NTRK3: variants seen among roughly 807,000 people sequenced by gnomAD.
The protein encoded by NTRK3 is NT-3 growth factor receptor.
NTRK3 carries 24 observed loss-of-function variants against 91.7 expected under a neutral mutation model. The ratio of observed to expected loss-of-function variants is 0.26; its 90% CI spans 0.19 to 0.37. The LOEUF is 0.37. NTRK3 is among the 10% of genes least tolerant of loss of function. The pLI is 1.00. For missense variants in NTRK3, 880 were observed against 1,068.9 expected (o/e 0.82, Z 2.46); for synonymous variants, 483 against 404.0 (o/e 1.20, Z -2.34).
exon 19 of NTRK3, chr15:87,872,820 A>G (rs2064857723): frequency 8.6e-6 from 2 of 232,746 alleles, no homozygotes; most frequent in African/African-American, 2.2e-5. Context: ...AAGCAAGTAC[A>G]TATATATCAG....
At chr15:88,102,524 C>T (rs1285177987) in intron 13 of NTRK3, among the ~76,000 whole-genome samples, 2 of 152,054 alleles carry the variant, frequency 1.3e-5, no homozygotes, top group Non-Finnish European at 2.9e-5. Flanking sequence ...GTTCCTAACA[C>T]AAAGAAATGA....
chr15:88,160,251 C>A lies in NTRK3; in HGVS notation c.396-12848G>T, dbSNP rs148567648. Among the ~76,000 whole-genome samples the A allele has an allele frequency of 4.9e-3, 746 of 152,236 alleles. 6 individuals carry two copies. Among genetic ancestry groups the A allele is most frequent in the Admixed American group, 0.011 (165 of 15,296 alleles). ...AGCAGAGAGAGGGAAGAGACGAGCA[C>A]GTAGCAACAGGCCAGCCAGAGCCAC... On this transcript the variant is annotated intron_variant, in intron 5 of 18. Coordinates refer to ENST00000394480, the Ensembl canonical transcript of NTRK3.
At chr15:88,048,668 C>A (rs2142251239) in intron 13 of NTRK3, among the ~76,000 whole-genome samples, 1 of 152,186 alleles carries the variant, frequency 6.6e-6, no homozygotes, top group African/African-American at 2.4e-5. Flanking sequence ...TTCCTGCATT[C>A]TAAAGAAAAT....
intron 13 of NTRK3, among the ~76,000 whole-genome samples, chr15:88,047,948 G>T (rs1018794986): frequency 9.2e-5 from 14 of 152,332 alleles, no homozygotes; most frequent in African/African-American, 3.4e-4. Context: ...AATATCACAA[G>T]TAAAGCAGTG....
Position 88,234,387 on chromosome 15 carries a change from C to G in NTRK3, c.248+21519G>C, listed in dbSNP as rs60905766. Among the ~76,000 whole-genome samples, 2,542 of 152,296 alleles carry G rather than the reference C, an allele frequency of 0.017. 72 individuals carry two copies. The highest frequency in any genetic ancestry group is 0.056 in the African/African-American group (2,335 of 41,544). ...AGACAAAGATAAGCTGGACCAAACA[C>G]CAGCCATCATTATAAGAAGCCCATA... On this transcript the variant is annotated intron_variant, in intron 3 of 18. Transcript: ENST00000394480. The surrounding 1 kb of genome is among the most constrained non-coding windows in gnomAD (Gnocchi z 6.1).
intron 13 of NTRK3, among the ~76,000 whole-genome samples, chr15:88,093,634 T>G (rs1183459897): frequency 6.6e-6 from 1 of 152,202 alleles, no homozygotes. Context: ...CACCTGATCA[T>G]TGTTATGAAG....
intron 5 of NTRK3, among the ~76,000 whole-genome samples, chr15:88,165,970 T>C (rs892137520): frequency 2.6e-5 from 4 of 152,074 alleles, no homozygotes; most frequent in African/African-American, 9.7e-5. Context: ...AATGAAAAAA[T>C]CACATCATCC....
intron 14 of NTRK3, among the ~76,000 whole-genome samples, chr15:87,980,736 T>C (rs2074184662): frequency 6.6e-6 from 1 of 152,184 alleles, no homozygotes. Context: ...AAAACAGTAT[T>C]GAGTCATTTG....
intron 14 of NTRK3, among the ~76,000 whole-genome samples, chr15:88,026,571 G>A (rs1208917106): frequency 2.0e-5 from 3 of 152,166 alleles, no homozygotes; most frequent in African/African-American, 7.2e-5. Flanking sequence ...ATGACACTAT[G>A]CTTTTGTCAA....
intron 13 of NTRK3, among the ~76,000 whole-genome samples, chr15:88,078,910 G>A (rs1292717824): frequency 6.6e-6 from 1 of 152,230 alleles, no homozygotes; most frequent in South Asian, 2.1e-4. Context: ...AGGTCAGGAG[G>A]TGTGGGGCCT....
intron 17 of NTRK3, among the ~76,000 whole-genome samples, chr15:87,885,007 T>G (rs1281269597): frequency 6.6e-6 from 1 of 151,900 alleles, no homozygotes; most frequent in Non-Finnish European, 1.5e-5. Context: ...ATGGATATGA[T>G]ATGACTATTC....
chr15:87,922,274 A>G (rs562422822), intron 17 of NTRK3, among the ~76,000 whole-genome samples: 1 of 152,354 alleles, frequency 6.6e-6, no homozygotes, highest in South Asian at 2.1e-4. Flanking sequence ...AAAGACTTAG[A>G]GGAGCCTCAG....
chr15:88,124,743 A>AACACATCTGTGTTTGC (rs1277379334), intron 13 of NTRK3, among the ~76,000 whole-genome samples: 18 of 152,214 alleles, frequency 1.2e-4, no homozygotes, highest in African/African-American at 4.3e-4. Flanking sequence ...GTTTGCAGAT[A>AACACATCTGTGTTTGC]AGACATCTCC....
intron 14 of NTRK3, among the ~76,000 whole-genome samples, chr15:88,009,286 T>C (rs935338573): frequency 2.0e-5 from 3 of 152,022 alleles, no homozygotes; most frequent in African/African-American, 7.2e-5. Context: ...TCCTTATTTT[T>C]TTAAAATGGA....
At chr15:88,035,370 G>A (rs1050574139) in intron 13 of NTRK3, among the ~76,000 whole-genome samples, 1 of 152,146 alleles carries the variant, frequency 6.6e-6, no homozygotes, top group Non-Finnish European at 1.5e-5. Context: ...CTCAGGAGAG[G>A]GCTGGGATGA....
intron 14 of NTRK3, among the ~76,000 whole-genome samples, chr15:87,975,520 A>G (rs1430468896): frequency 1.3e-5 from 2 of 152,322 alleles, no homozygotes; most frequent in Middle Eastern, 6.8e-3. Flanking sequence ...GAGCTGCAGG[A>G]CTGGCTGGTT....
chr15:87,910,027 T>C (rs1000023614), intron 17 of NTRK3, among the ~76,000 whole-genome samples: 2 of 152,076 alleles, frequency 1.3e-5, no homozygotes, highest in Non-Finnish European at 2.9e-5. Flanking sequence ...AAGGTGGAAA[T>C]AAGCAACTGG....
chr15:88,133,618 C>T (rs1333365352), intron 10 of NTRK3, among the ~76,000 whole-genome samples: 1 of 152,172 alleles, frequency 6.6e-6, no homozygotes, highest in Non-Finnish European at 1.5e-5. Flanking sequence ...TCTTTTATGT[C>T]AACAAGACCT....
chr15:88,101,799 T>C (rs1024663263), intron 13 of NTRK3, among the ~76,000 whole-genome samples: 36 of 151,966 alleles, frequency 2.4e-4, no homozygotes, highest in Non-Finnish European at 4.3e-4. Context: ...TTCTCACTCA[T>C]AGGTGGGAAT....
Sources: allele counts gnomAD v4.1 joint callset (sites outside exome capture counted in the v4.1 genomes callset), GRCh38; gene constraint gnomAD v4.1.1; non-coding constraint Gnocchi (gnomAD v3.1); transcripts MANE v1.5; gene names NCBI Gene and HGNC (gene_info 2026-07-23, HGNC 2026-07-21).